PFKM: variants seen among roughly 807,000 people sequenced by gnomAD.
The protein encoded by PFKM is ATP-dependent 6-phosphofructokinase, muscle type.
PFKM carries 58 observed loss-of-function variants against 95.5 expected under a neutral mutation model. The observed-to-expected ratio is 0.61, with a 90% CI of 0.49 to 0.76. The LOEUF (loss-of-function observed/expected upper bound fraction) is 0.76. Among genes scored for constraint, PFKM ranks in the 30% least tolerant of loss-of-function variants. The pLI is 0.00. For synonymous variants in PFKM, 336 were observed against 357.2 expected (o/e 0.94, Z 0.67); for missense variants, 678 against 1,005.4 (o/e 0.67, Z 4.40).
Position 48,145,241 on chromosome 12 carries a change from C to G in PFKM, c.2124C>G (p.Gly708=). 6.2e-7 allele frequency: 1 copy of G among 1,614,114 alleles called. No homozygotes were observed. The change falls in exon 22 of 23, where the codon GGC becomes GGG. Residue 708 remains glycine (G), a synonymous_variant. Coordinates refer to ENST00000359794, the MANE Select transcript of PFKM (RefSeq NM_000289.6). The surrounding 1 kb of genome is among the most constrained non-coding windows in gnomAD (Gnocchi z 4.3). ...GRIFANTPDS[G]CVLGMRKRAL... is the part of the protein sequence containing the mutation. ...TCTTTGCCAATACTCCAGATTCGGG[C>G]TGTGTTCTGGGGATGCGTAAGAGGG...
Position 48,135,361 on chromosome 12 carries a change from C to A in PFKM, c.914C>A (p.Pro305Gln). Reference sequence around the variant, plus strand: ...GGGCATGTGCAGAGGGGTGGGACGCCATCAGCCTTTGACAGAATTCTGGTA... The same window carrying A: ...GGGCATGTGCAGAGGGGTGGGACGCAATCAGCCTTTGACAGAATTCTGGTA... The part of the protein sequence containing the change: ...VLGHVQRGGT[P>Q]SAFDRILGSR... Residue 305 changes from proline to glutamine, a missense_variant, in exon 10 of 23, where the codon CCA becomes CAA. By Grantham distance (76) the Pro-to-Gln change is moderately conservative. Transcript: ENST00000359794. The A allele has an allele frequency of 6.2e-7, 1 of 1,613,924 alleles. No homozygotes were observed.
chr12:48,120,484 C>G (rs568001183), intron 1 of PFKM, among the ~76,000 whole-genome samples: 139 of 152,244 alleles, frequency 9.1e-4, no homozygotes, highest in Non-Finnish European at 1.1e-3. Flanking sequence ...AGTTCTCAGT[C>G]TAGTTAGGAA....
chr12:48,140,710 C>G lies in PFKM; in HGVS notation c.1192-12C>G. ...TTTCTGTCCTCATTTTTCCCTGCTT[C>G]CTCCTGTATAGAGTGGTTCGCACAC... On this transcript the variant is annotated splice_polypyrimidine_tract_variant and intron_variant, in intron 13 of 22. Coordinates refer to ENST00000359794, the MANE Select transcript of PFKM (RefSeq NM_000289.6). 6.2e-7 allele frequency: 1 copy of G among 1,614,148 alleles called. No individual in the cohort carries two copies. Among genetic ancestry groups the G allele is most frequent in the South Asian group, 1.1e-5 (1 of 91,084 alleles).
chr12:48,122,887 C>G (rs1416274605), intron 2 of PFKM, 28 bp downstream of exon 2: 1 of 1,603,796 alleles, frequency 6.2e-7, no homozygotes. Context: ...AAAAACATGG[C>G]TGGTGGGACT....
At chr12:48,133,865 G>A (rs978908275) in intron 6 of PFKM, among the ~76,000 whole-genome samples, 1 of 152,140 alleles carries the variant, frequency 6.6e-6, no homozygotes, top group African/African-American at 2.4e-5. Flanking sequence ...GGGGACCTGG[G>A]GGGAGGCAAT....
chr12:48,122,896 C>T, intron 2 of PFKM, 37 bp downstream of exon 2: 2 of 1,590,204 alleles, frequency 1.3e-6, no homozygotes, highest in Non-Finnish European at 1.7e-6. Context: ...GCTGGTGGGA[C>T]TTTTGGAATT....
chr12:48,111,834 G>A (rs552780362), intron 3 of PFKM, among the ~76,000 whole-genome samples: 36 of 152,306 alleles, frequency 2.4e-4, no homozygotes, highest in African/African-American at 7.7e-4. Flanking sequence ...GTAATTGTGG[G>A]ATACTCAACA....
In PFKM at chr12:48,145,157, C is replaced by A. The variant is rs1950928568; in HGVS notation, c.2092+27C>A. 6.2e-7 allele frequency: 1 copy of A among 1,610,210 alleles called. No homozygotes were observed. Among genetic ancestry groups the A allele is most frequent in the Admixed American group, 1.7e-5 (1 of 59,984 alleles). ...TAGGTGGGGTGAGAGCGAGTGCCCT[C>A]TATAGAGGCTGGTTCCCCAGTATAG... On this transcript the variant is annotated intron_variant, in intron 21 of 22. Coordinates refer to ENST00000359794, the MANE Select transcript of PFKM (RefSeq NM_000289.6). The surrounding 1 kb of genome is among the most constrained non-coding windows in gnomAD (Gnocchi z 4.3).
intron 2 of PFKM, among the ~76,000 whole-genome samples, chr12:48,126,667 G>A (rs1408153159): frequency 6.6e-6 from 1 of 152,136 alleles, no homozygotes; most frequent in African/African-American, 2.4e-5. Context: ...CATTTACTCA[G>A]CTTGGGAACA....
chr12:48,143,716 TC>T, intron 18 of PFKM, 36 bp from the exon 19 acceptor site: 1 of 1,499,554 alleles, frequency 6.7e-7, no homozygotes, highest in Non-Finnish European at 9.3e-7. Context: ...CCTTATCCAT[TC>T]CCAGTTAGGC....
chr12:48,129,828 G>A (rs1248478813), intron 2 of PFKM, among the ~76,000 whole-genome samples: 1 of 152,218 alleles, frequency 6.6e-6, no homozygotes, highest in Admixed American at 6.5e-5. Context: ...TACAGCCATT[G>A]ACATTAGTAG....
chr12:48,133,245 T>C (rs1949702868), intron 5 of PFKM, 70 bp from the exon 6 acceptor site: 1 of 1,410,342 alleles, frequency 7.1e-7, no homozygotes, highest in Non-Finnish European at 1.0e-6. Flanking sequence ...TTTCTCTCTC[T>C]CTAGATATCT....
chr12:48,107,257 G>A, intron 1 of PFKM: 1 of 710,598 alleles, frequency 1.4e-6, no homozygotes, highest in Non-Finnish European at 2.5e-6. Context: ...ATATTATATT[G>A]TCAAGTCCTA....
chr12:48,145,871 G>C lies in PFKM; in HGVS notation c.*163G>C. The C allele has an allele frequency of 1.5e-6, 1 of 685,964 alleles. No individual in the cohort carries two copies. Among genetic ancestry groups the C allele is most frequent in the East Asian group, 2.7e-5 (1 of 36,902 alleles). 42.5% of individuals were successfully genotyped at this position (685,964 alleles called of 1,614,324 possible). On this transcript the variant is annotated 3_prime_UTR_variant, in exon 23 of 23. Transcript: ENST00000359794. The surrounding 1 kb of genome is among the most constrained non-coding windows in gnomAD (Gnocchi z 4.3). ...TGGCCAGGAGCTGGAGGAGCAGGCA[G>C]TGGGTGGGAGCTCCTTTTAGGTAGA...
Position 48,145,488 on chromosome 12 carries a change from T to A in PFKM, c.2199-76T>A, listed in dbSNP as rs1279059618. 33 of 1,570,282 alleles carry A rather than the reference T, an allele frequency of 2.1e-5. No homozygotes were observed. Among genetic ancestry groups the A allele is most frequent in the Non-Finnish European group, 2.8e-5 (32 of 1,141,718 alleles). On this transcript the variant is annotated intron_variant, in intron 22 of 22. Coordinates refer to ENST00000359794, the MANE Select transcript of PFKM (RefSeq NM_000289.6). This position sits in a 1 kb window ranked among gnomAD's most constrained non-coding sequence, Gnocchi z 4.3. The stretch of plus-strand genomic sequence containing the variant: ...TAAATCTAACCTCTTCTGTCTAACT[T>A]CTTCCTATAAACCTTTGGTAGAAGT...
At chr12:48,118,612 G>T, upstream of PFKM, 1 of 1,097,664 alleles carries the variant, frequency 9.1e-7, no homozygotes, top group South Asian at 1.3e-5. Context: ...CTCTTGCTCT[G>T]GGAGCATCTG....
chr12:48,131,514 CAA>C (rs940513465), intron 4 of PFKM, 121 bp downstream of exon 4: 27 of 771,040 alleles, frequency 3.5e-5, no homozygotes, highest in South Asian at 2.6e-4. Context: ...AATTCAGTGA[CAA>C]GAGAGGGACC....
chr12:48,130,506 C>T, intron 3 of PFKM, 70 bp downstream of exon 3: 1 of 1,177,112 alleles, frequency 8.5e-7, no homozygotes, highest in Non-Finnish European at 1.3e-6. Context: ...TATCCCCTTC[C>T]CACATTCTGT....
chr12:48,106,172 A>C lies in PFKM; in HGVS notation c.-10+35A>C, dbSNP rs900224966. 5.4e-5 allele frequency: 38 copies of C among 700,534 alleles called. No homozygotes were observed. In the Admixed American group the frequency reaches 7.2e-4, roughly 13 times the overall value. 43.4% of individuals were successfully genotyped at this position (700,534 alleles called of 1,614,324 possible). A position where few individuals can be genotyped will look rare whatever the true frequency, so the allele number is the denominator to read the frequency against. On this transcript the variant is annotated intron_variant, in intron 1 of 24. Transcript: ENST00000340802. ...GAGGAGGGGGCTGGGGCAGGAGGTC[A>C]AAGAACAGAGTTAAGGACCAGTGGG...
Sources: allele counts gnomAD v4.1 joint callset (sites outside exome capture counted in the v4.1 genomes callset), GRCh38; gene constraint gnomAD v4.1.1; non-coding constraint Gnocchi (gnomAD v3.1); transcripts MANE v1.5; gene names NCBI Gene and HGNC (gene_info 2026-07-23, HGNC 2026-07-21).